The following PRDM16 variants were observed in gnomAD, a reference collection of about 807,000 sequenced individuals.
The protein encoded by PRDM16 is PR/SET domain 16.
Under a neutral mutation model 110.6 loss-of-function variants are expected in PRDM16, and 23 were observed. The ratio of observed to expected loss-of-function variants is 0.21; its 90% confidence interval spans 0.15 to 0.29. The LOEUF (loss-of-function observed/expected upper bound fraction) is 0.29, where lower values mean the gene tolerates loss of function less well. Among genes scored for constraint, PRDM16 ranks in the 10% least tolerant of loss-of-function variants. PRDM16 has a pLI of 1.00. For synonymous variants in PRDM16, 799 were observed against 781.8 expected, an observed-to-expected ratio of 1.02 and a Z score of -0.37; for missense variants, 1,615 against 1,794.3, an observed-to-expected ratio of 0.90 and a Z score of 1.81.
At chr1:3,071,951 G>GAA (rs1641773301) in intron 1 of PRDM16, among the ~76,000 whole-genome samples, 2 of 152,222 alleles carry the variant, frequency 1.3e-5, no homozygotes, top group Non-Finnish European at 2.9e-5. Context: ...TGGGTCTTGT[G>GAA]AAGGGCCAAA....
At chr1:3,338,623 C>T (rs554611750) in intron 3 of PRDM16, among the ~76,000 whole-genome samples, 6 of 152,324 alleles carry the variant, frequency 3.9e-5, no homozygotes, top group Admixed American at 2.6e-4. Context: ...CCTCCACCTC[C>T]GGCCTGATAA....
chr1:3,361,134 G>A (rs183347525), intron 3 of PRDM16, among the ~76,000 whole-genome samples: 189 of 152,346 alleles, frequency 1.2e-3, no homozygotes, highest in African/African-American at 4.2e-3. Context: ...CTCACATTTC[G>A]GCTCTGGGGC....
chr1:3,229,178 G>A (rs185315820), intron 2 of PRDM16, among the ~76,000 whole-genome samples: 2 of 152,296 alleles, frequency 1.3e-5, no homozygotes, highest in East Asian at 1.9e-4. Context: ...GGGTCATGGC[G>A]AGAGGAAGGC....
intron 3 of PRDM16, among the ~76,000 whole-genome samples, chr1:3,259,999 G>A (rs1344638064): frequency 6.6e-6 from 1 of 152,082 alleles, no homozygotes; most frequent in Non-Finnish European, 1.5e-5. Flanking sequence ...TTGGGCCCCT[G>A]GTTTTCCAGC....
chr1:3,396,248 CT>C (rs1643384476), intron 4 of PRDM16: 2 of 562,280 alleles, frequency 3.6e-6, no homozygotes, highest in Admixed American at 4.4e-5. Context: ...TGGATCCTAC[CT>C]GTTTAGTCGG....
intron 4 of PRDM16, among the ~76,000 whole-genome samples, chr1:3,393,791 G>C (rs1204326687): frequency 6.6e-6 from 1 of 152,240 alleles, no homozygotes; most frequent in Non-Finnish European, 1.5e-5. Flanking sequence ...GGAAAAGTTT[G>C]CGCGGATTCC....
chr1:3,257,954 G>A (rs950470165), intron 3 of PRDM16, among the ~76,000 whole-genome samples: 1 of 152,174 alleles, frequency 6.6e-6, no homozygotes, highest in Non-Finnish European at 1.5e-5. Flanking sequence ...TGGGTGGGGA[G>A]CTGTCCTGGG....
rs1372683083 is a variant in PRDM16, at chr1:3,370,335, G to A, written c.439-14817G>A. Among the ~76,000 whole-genome samples the A allele has an allele frequency of 2.0e-5, 3 of 152,190 alleles. No individual in the cohort carries two copies. The highest frequency in any genetic ancestry group is 4.4e-5 in the Non-Finnish European group (3 of 68,030). ...CTTTCCACATCCCTCAGCAGAGCCC[G>A]TGAATAAGAAGGGAAAGGATTTGAA... is the stretch of plus-strand genomic sequence containing the variant. On this transcript the variant is annotated intron_variant, in intron 3 of 16. Transcript: ENST00000270722. This position sits in a 1 kb window ranked among gnomAD's most constrained non-coding sequence, Gnocchi z 4.8.
At chr1:3,341,755 C>T (rs1390690295) in intron 3 of PRDM16, among the ~76,000 whole-genome samples, 1 of 152,258 alleles carries the variant, frequency 6.6e-6, no homozygotes, top group African/African-American at 2.4e-5. Flanking sequence ...ACAGCAGCAG[C>T]TGCCGCTCCC....
chr1:3,340,396 A>G (rs1642248084), intron 3 of PRDM16, among the ~76,000 whole-genome samples: 1 of 152,138 alleles, frequency 6.6e-6, no homozygotes, highest in South Asian at 2.1e-4. Flanking sequence ...CCTGATCCCC[A>G]TCTCAGAGGT....
chr1:3,147,057 T>C (rs1643684388), intron 1 of PRDM16, among the ~76,000 whole-genome samples: 1 of 141,240 alleles, frequency 7.1e-6, no homozygotes, highest in South Asian at 2.3e-4. Flanking sequence ...TGCACGTGTG[T>C]GCTCAGTGTG....
At position 3,435,245 on chromosome 1, in the gene PRDM16, T is replaced by G. The variant is rs1553181011; in HGVS notation, c.*1434T>G. The G allele has an allele frequency of 4.5e-6, 1 of 221,798 alleles. No homozygotes were observed. Among genetic ancestry groups the G allele is most frequent in the Non-Finnish European group, 9.0e-6 (1 of 110,972 alleles). The allele number at this position is 221,798 out of a possible 1,614,324, so 13.7% of individuals were successfully genotyped here. ...TATATAACTTGTAATTTTTTCTAAT[T>G]CATTTCTTTTCTTATTTTATTTCCT... On this transcript the variant is annotated 3_prime_UTR_variant, in exon 17 of 17. Transcript: ENST00000270722.
intron 10 of PRDM16, 23 bp from the exon 11 acceptor site, chr1:3,417,805 A>T: frequency 6.2e-7 from 1 of 1,611,412 alleles, no homozygotes; most frequent in Non-Finnish European, 8.5e-7. Context: ...TGAGTCCATA[A>T]CCTCCCACTC....
intron 5 of PRDM16, among the ~76,000 whole-genome samples, chr1:3,401,298 C>T (rs534270679): frequency 6.6e-6 from 1 of 152,334 alleles, no homozygotes; most frequent in African/African-American, 2.4e-5. Context: ...AGCCCTCTTC[C>T]ATCTGCCCCC....
chr1:3,079,538 C>T (rs1160823002), intron 1 of PRDM16, among the ~76,000 whole-genome samples: 4 of 152,236 alleles, frequency 2.6e-5, no homozygotes, highest in African/African-American at 7.2e-5. Context: ...CCGCATGGAG[C>T]GGCCTGGCCC....
chr1:3,409,934 TGTGTG>T (rs1414546999), intron 8 of PRDM16, among the ~76,000 whole-genome samples: 1 of 118,168 alleles, frequency 8.5e-6, no homozygotes, highest in Non-Finnish European at 1.7e-5. Context: ...TATGTGCATG[TGTGTG>T]GTGTGGGTGT....
chr1:3,256,490 G>A (rs1184700218), intron 3 of PRDM16, among the ~76,000 whole-genome samples: 1 of 152,106 alleles, frequency 6.6e-6, no homozygotes, highest in African/African-American at 2.4e-5. Context: ...ATTGCGGGGA[G>A]ACAGGGAGAG....
At chr1:3,340,804 G>A (rs1373377842) in intron 3 of PRDM16, among the ~76,000 whole-genome samples, 1 of 152,230 alleles carries the variant, frequency 6.6e-6, no homozygotes, top group Non-Finnish European at 1.5e-5. Flanking sequence ...AATGGTGTCA[G>A]GGTGTGGGGC....
intron 3 of PRDM16, among the ~76,000 whole-genome samples, chr1:3,295,491 G>A (rs1313417285): frequency 6.6e-6 from 1 of 152,150 alleles, no homozygotes; most frequent in Non-Finnish European, 1.5e-5. Context: ...GCGTGTGGGG[G>A]CTGGGAAGAG....
Sources: allele counts gnomAD v4.1 joint callset (sites outside exome capture counted in the v4.1 genomes callset), GRCh38; gene constraint gnomAD v4.1.1; non-coding constraint Gnocchi (gnomAD v3.1); transcripts MANE v1.5; gene names NCBI Gene and HGNC (gene_info 2026-07-23, HGNC 2026-07-21).